Variants in OR1J2 observed in about 807,000 individuals in gnomAD.
The protein encoded by OR1J2 is olfactory receptor 1J2.
For missense variants in OR1J2, 304 were observed against 246.1 expected (o/e 1.24, Z -1.57); for synonymous variants, 142 against 99.7 (o/e 1.42, Z -2.52).
Position 122,511,195 on chromosome 9 carries a change from T to A in OR1J2, c.394T>A (p.Tyr132Asn), listed in dbSNP as rs1388487931. ...TGTTGCCATATGTCACCCTCTCCAC[T>A]ACACTGTCATCATGAGGGAAGAGCT... ...RYVAICHPLH[Y>N]TVIMREELCV... The change falls in exon 1 of 1, where the codon TAC (tyrosine) becomes AAC (asparagine). Residue 132 changes from tyrosine to asparagine, a missense_variant. Transcript: ENST00000335302. The A allele has an allele frequency of 2.7e-6, 2 of 731,760 alleles. No homozygotes were observed. Among genetic ancestry groups the A allele is most frequent in the South Asian group, 3.1e-5 (2 of 64,602 alleles). 45.3% of individuals were successfully genotyped at this position (731,760 alleles called of 1,614,324 possible).
the OR1J2 span, among the ~76,000 whole-genome samples, chr9:122,546,957 C>G: frequency 2.0e-5 from 3 of 152,074 alleles, 1 homozygote; most frequent in Non-Finnish European, 2.9e-5. Flanking sequence ...GTTGGGAATG[C>G]TCAGTATCCT....
the OR1J2 span, chr9:122,568,008 G>A: frequency 6.2e-7 from 1 of 1,613,956 alleles, no homozygotes; most frequent in African/African-American, 1.3e-5. Context: ...GTGCAGGAGT[G>A]AGTGGAGGTG....
chr9:122,570,625 C>T, the OR1J2 span, among the ~76,000 whole-genome samples: 4 of 152,178 alleles, frequency 2.6e-5, no homozygotes, highest in Non-Finnish European at 5.9e-5. Context: ...TCAGGACAAG[C>T]TGTTCCCCAG....
the OR1J2 span, among the ~76,000 whole-genome samples, chr9:122,449,310 G>A: frequency 3.9e-5 from 6 of 152,268 alleles, 1 homozygote; most frequent in Admixed American, 3.3e-4. Flanking sequence ...CAGATCTGGG[G>A]CTTGTTTGGC....
At chr9:122,572,729 A>G in the OR1J2 span, 7 of 152,206 alleles carry the variant, frequency 4.6e-5, no homozygotes, top group Non-Finnish European at 1.0e-4. Context: ...AAGGAAAGAG[A>G]AAGTGCCAAA....
upstream of OR1J2, among the ~76,000 whole-genome samples, chr9:122,508,158 AAGG>A (rs924327232): frequency 1.1e-4 from 16 of 141,238 alleles, no homozygotes; most frequent in East Asian, 6.2e-4. Flanking sequence ...GAGAGAGAGA[AAGG>A]AGAAGGAGAA....
chr9:122,468,703 A>G, the OR1J2 span, among the ~76,000 whole-genome samples: 1 of 152,224 alleles, frequency 6.6e-6, no homozygotes, highest in African/African-American at 2.4e-5. Context: ...TTGTTAGTCA[A>G]GGCGACTGAG....
chr9:122,485,271 A>G, the OR1J2 span, among the ~76,000 whole-genome samples: 1 of 152,200 alleles, frequency 6.6e-6, no homozygotes, highest in Non-Finnish European at 1.5e-5. Context: ...GAATTAGAAT[A>G]TTTATGAATG....
At chr9:122,526,145 G>A in the OR1J2 span, among the ~76,000 whole-genome samples, 5 of 152,068 alleles carry the variant, frequency 3.3e-5, no homozygotes, top group Admixed American at 2.0e-4. Flanking sequence ...CTACTATACT[G>A]AATGCATTTC....
At chr9:122,453,503 T>C in the OR1J2 span, among the ~76,000 whole-genome samples, 1 of 152,200 alleles carries the variant, frequency 6.6e-6, no homozygotes, top group Non-Finnish European at 1.5e-5. Context: ...GTACTTGTGA[T>C]ACAAGACTAA....
At chr9:122,520,146 C>T in the OR1J2 span, 1 of 1,210,830 alleles carries the variant, frequency 8.3e-7, no homozygotes. Flanking sequence ...ATCCTTACTT[C>T]TGATCCCAGC....
chr9:122,501,465 C>T, the OR1J2 span, among the ~76,000 whole-genome samples: 1 of 152,156 alleles, frequency 6.6e-6, no homozygotes, highest in African/African-American at 2.4e-5. Context: ...GTTTCCGAAG[C>T]CTCAGGGAAC....
At chr9:122,537,772 C>T in the OR1J2 span, among the ~76,000 whole-genome samples, 3,793 of 152,090 alleles carry the variant, frequency 0.025, 170 homozygotes, top group African/African-American at 0.087. Flanking sequence ...ATCAAAGATG[C>T]GGACACACCA....
At chr9:122,526,977 C>T in the OR1J2 span, 2 of 1,614,192 alleles carry the variant, frequency 1.2e-6, no homozygotes, top group Admixed American at 3.3e-5. Context: ...GTCTAGATCA[C>T]CAAACATCAG....
the OR1J2 span, among the ~76,000 whole-genome samples, chr9:122,481,382 C>T: frequency 1.3e-5 from 2 of 152,044 alleles, no homozygotes; most frequent in Admixed American, 6.5e-5. Context: ...TTCATTACGA[C>T]AGCAACCACC....
chr9:122,523,006 A>G, the OR1J2 span, among the ~76,000 whole-genome samples: 1 of 152,222 alleles, frequency 6.6e-6, no homozygotes, highest in Non-Finnish European at 1.5e-5. Flanking sequence ...TACTATCTAT[A>G]TTTTACAGCT....
the OR1J2 span, among the ~76,000 whole-genome samples, chr9:122,491,637 GTAA>G: frequency 1.5e-4 from 23 of 152,284 alleles, no homozygotes; most frequent in South Asian, 4.8e-3. Flanking sequence ...ATTGGATTTA[GTAA>G]TAATGAGGAT....
Position 122,511,367 on chromosome 9 carries a change from G to A in OR1J2, c.566G>A (p.Cys189Tyr), listed in dbSNP as rs1349626955. The A allele has an allele frequency of 1.3e-6, 1 of 742,696 alleles. No homozygotes were observed. The highest frequency in any genetic ancestry group is 2.4e-5 in the East Asian group (1 of 41,046). The allele number at this position is 742,696 out of a possible 1,614,324, so 46.0% of individuals were successfully genotyped here. Reference sequence around the variant, plus strand: ...CTTGCTGCCCTGCTCAAGCTGTCCTGCTCAGATATCTTCCTCAATGAGCTG... The same window carrying A: ...CTTGCTGCCCTGCTCAAGCTGTCCTACTCAGATATCTTCCTCAATGAGCTG... Reference protein sequence around the residue: ...CDLAALLKLSCSDIFLNELVM... With the variant: ...CDLAALLKLSYSDIFLNELVM... Residue 189 changes from cysteine (C) to tyrosine (Y), a missense_variant, in exon 1 of 1, where the codon TGC becomes TAC. Physicochemically the swap from Cys to Tyr is radical, Grantham distance 194. Transcript: ENST00000335302.
the OR1J2 span, among the ~76,000 whole-genome samples, chr9:122,558,334 T>G: frequency 8.9e-5 from 9 of 100,656 alleles, no homozygotes; most frequent in African/African-American, 2.5e-4. Flanking sequence ...TTTTTTTTTT[T>G]TTTTGCAAAA....
Sources: allele counts gnomAD v4.1 joint callset (sites outside exome capture counted in the v4.1 genomes callset), GRCh38; gene constraint gnomAD v4.1.1; transcripts MANE v1.5; gene names NCBI Gene and HGNC (gene_info 2026-07-23, HGNC 2026-07-21).